The following DDX5 variants were observed in gnomAD, a reference collection of about 807,000 sequenced individuals.
DDX5 encodes DEAD-box helicase 5.
Under a neutral mutation model 68.6 loss-of-function variants are expected in DDX5, and 6 were observed. The ratio of observed to expected loss-of-function variants is 0.09; its 90% CI spans 0.05 to 0.17. The LOEUF (loss-of-function observed/expected upper bound fraction) is 0.17. Ranked by LOEUF, DDX5 falls within the 10% of genes least tolerant of loss-of-function variation. The probability of loss-of-function intolerance (pLI) is 1.00; values close to 1 mark genes in which losing one functional copy is unlikely to be tolerated. For synonymous variants in DDX5, 350 were observed against 247.0 expected (o/e 1.42, Z -3.91); for missense variants, 499 against 756.1 (o/e 0.66, Z 3.99).
In DDX5 at chr17:64,499,810, G is replaced by C; in HGVS notation, c.*113C>G. On this transcript the variant is annotated 3_prime_UTR_variant, in exon 13 of 13. Coordinates refer to ENST00000225792, the MANE Select transcript of DDX5 (RefSeq NM_004396.5). The stretch of plus-strand genomic sequence containing the variant: ...GAAAAAGTGCACCATAATTACTGCT[G>C]CACTGCAGTCATTTCTGCAATTCCC... 1 of 981,290 alleles carries C rather than the reference G, an allele frequency of 1.0e-6. No homozygotes were observed. Among genetic ancestry groups the C allele is most frequent in the African/African-American group, 1.6e-5 (1 of 61,402 alleles). 60.8% of individuals were successfully genotyped at this position (981,290 alleles called of 1,614,324 possible).
intron 11 of DDX5, chr17:64,501,002 G>GT: frequency 1.8e-6 from 1 of 566,960 alleles, no homozygotes. Flanking sequence ...GACAGACCCT[G>GT]TCAAAAGGAA....
chr17:64,505,974 G>A (rs1207649051), intron 1 of DDX5, 102 bp downstream of exon 1: 6 of 1,540,722 alleles, frequency 3.9e-6, no homozygotes, highest in African/African-American at 2.7e-5. Flanking sequence ...AGATAGCCCG[G>A]AAAGGCCAAG....
At position 64,502,986 on chromosome 17, in the gene DDX5, C is replaced by T; in HGVS notation, c.923G>A (p.Ser308Asn). Reference sequence around the variant, plus strand: ...AATCTGAAGAATGTTGTGGTTTGCACTCAGTTCAAGTGCACCAATGTTTAT... The same window carrying T: ...AATCTGAAGAATGTTGTGGTTTGCATTCAGTTCAAGTGCACCAATGTTTAT... ...IHINIGALEL[S>N]ANHNILQIVD... Residue 308 changes from serine to asparagine, a missense_variant, in exon 8 of 13, where the codon AGT becomes AAT. By Grantham distance (46) the Ser-to-Asn change is conservative (BLOSUM62 1). This residue lies in a region of DDX5 where 141 missense variants were observed against 279.8 expected (regional missense o/e 0.50). Transcript: ENST00000225792. 1 of 1,613,608 alleles carries T rather than the reference C, an allele frequency of 6.2e-7. No homozygotes were observed. Among genetic ancestry groups the T allele is most frequent in the Non-Finnish European group, 8.5e-7 (1 of 1,179,754 alleles).
At chr17:64,506,321 T>A (rs1598160188), upstream of DDX5, 1 of 1,488,378 alleles carries the variant, frequency 6.7e-7, no homozygotes, top group South Asian at 1.3e-5. Flanking sequence ...GCTTTTATAG[T>A]CTGGACCGCC....
At chr17:64,506,699 G>C (rs997147851), upstream of DDX5, 3 of 402,638 alleles carry the variant, frequency 7.5e-6, no homozygotes, top group African/African-American at 4.1e-5. Flanking sequence ...CGAGAGAGCG[G>C]TCCGCACTAC....
At position 64,498,792 on chromosome 17, in the gene DDX5, G is replaced by A. The variant is rs1396308965; in HGVS notation, c.*1131C>T. ...GATTAGAAAGTTACGTTGGTGAGCC[G>A]AAGTTAAACCTAAAGCTATCCCCTG... On this transcript the variant is annotated 3_prime_UTR_variant, in exon 13 of 13. Transcript: ENST00000225792. Among the ~76,000 whole-genome samples, 8 of 152,140 alleles carry A rather than the reference G, an allele frequency of 5.3e-5. No individual in the cohort carries two copies. The highest frequency in any genetic ancestry group is 9.7e-5 in the African/African-American group (4 of 41,442).
At chr17:64,505,436 T>G (rs889845837) in intron 1 of DDX5, 1 of 548,398 alleles carries the variant, frequency 1.8e-6, no homozygotes, top group African/African-American at 1.9e-5. Flanking sequence ...AGCCGGCGAC[T>G]ACCGGGGGAG....
At chr17:64,501,654 C>T (rs782759529) in intron 11 of DDX5, 7 of 273,200 alleles carry the variant, frequency 2.6e-5, no homozygotes, top group African/African-American at 4.4e-5. Flanking sequence ...GGCAGTCATG[C>T]AAAGCATGGG....
At chr17:64,504,604 C>T (rs1555671762) in intron 2 of DDX5, 73 bp downstream of exon 2, 3 of 1,497,452 alleles carry the variant, frequency 2.0e-6, no homozygotes, top group African/African-American at 1.4e-5. Context: ...ATTTGCAAAA[C>T]ACCTGTCAGA....
At chr17:64,506,553 C>T (rs559025246), upstream of DDX5, 80 of 497,772 alleles carry the variant, frequency 1.6e-4, 1 homozygote, top group South Asian at 2.0e-3. Context: ...AGCCACCCCG[C>T]CCTTTCCCAA....
At chr17:64,506,630 C>T (rs1056672613), upstream of DDX5, 1 of 373,560 alleles carries the variant, frequency 2.7e-6, no homozygotes, top group African/African-American at 2.1e-5. Flanking sequence ...ACGTCTGTAA[C>T]CAAAAGAGGG....
Position 64,504,793 on chromosome 17 carries a change from T to G in DDX5, c.94A>C (p.Lys32Gln), listed in dbSNP as rs1385150354. The G allele has an allele frequency of 1.9e-6, 3 of 1,614,118 alleles. No homozygotes were observed. The highest frequency in any genetic ancestry group is 2.7e-5 in the African/African-American group (2 of 75,048). Residue 32 changes from lysine (K) to glutamine (Q), a missense_variant, in exon 2 of 13, where the codon AAG becomes CAG. Lys to Gln is a moderately conservative substitution (Grantham distance 53). Coordinates refer to ENST00000225792, the MANE Select transcript of DDX5 (RefSeq NM_004396.5). The stretch of plus-strand genomic sequence containing the variant: ...TTCTCCCCAGGGTTTCCAAACTTCT[T>G]TCCAGATAAGGGCCCTGCCCTACTT... ...GGSRAGPLSG[K>Q]KFGNPGEKLV...
At chr17:64,505,911 T>C in intron 1 of DDX5, 165 bp downstream of exon 1, 1 of 1,534,942 alleles carries the variant, frequency 6.5e-7, no homozygotes. Flanking sequence ...TCTCTTCCAA[T>C]CACTGTGACG....
Position 64,506,224 on chromosome 17 carries a change from G to T in DDX5, c.-105C>A, listed in dbSNP as rs377373286. ...GGCGAAGCCTTGCGGGGGCGGCAGC[G>T]GAGGAAGGACACCGATGACACCAGC... On this transcript the variant is annotated 5_prime_UTR_variant, in exon 1 of 13. Transcript: ENST00000225792. 3 of 1,556,204 alleles carry T rather than the reference G, an allele frequency of 1.9e-6. No individual in the cohort carries two copies. In the African/African-American group the frequency reaches 4.1e-5, roughly 21 times the overall value.
chr17:64,500,235 C>T lies in DDX5; in HGVS notation c.1533G>A (p.Arg511=). ...KRGGFNTFRD[R]ENYDRGYSSL... is the part of the protein sequence containing the mutation. ...TAGAGTAACCTCTGTCATAATTTTCCCTGTCTCTAAAGGTATTAAATCCAC... is the reference window on the plus strand; with the variant it reads ...TAGAGTAACCTCTGTCATAATTTTCTCTGTCTCTAAAGGTATTAAATCCAC... The change falls in exon 13 of 13, where the codon AGG becomes AGA. Residue 511 remains arginine (R), a synonymous_variant. Transcript: ENST00000225792. 1 of 1,614,112 alleles carries T rather than the reference C, an allele frequency of 6.2e-7. No homozygotes were observed. Among genetic ancestry groups the T allele is most frequent in the South Asian group, 1.1e-5 (1 of 91,082 alleles).
rs186681358 is a variant in DDX5, at chr17:64,504,652, G to A, written c.210+25C>T. The A allele has an allele frequency of 5.0e-6, 8 of 1,587,864 alleles. No individual in the cohort carries two copies. In the African/African-American group the frequency reaches 9.6e-5, roughly 19 times the overall value. On this transcript the variant is annotated intron_variant, in intron 2 of 12. Coordinates refer to ENST00000225792, the MANE Select transcript of DDX5 (RefSeq NM_004396.5). ...AGAATCCACGATCGAGTTACAGCCT[G>A]ATGAAGCCACATGAATTTACTCACT...
upstream of DDX5, chr17:64,506,715 C>A (rs540448388): frequency 1.2e-5 from 5 of 413,422 alleles, no homozygotes; most frequent in South Asian, 7.9e-5. Flanking sequence ...ACTACTTTCC[C>A]GTTGACGTCG....
chr17:64,505,978 G>C, intron 1 of DDX5, 98 bp downstream of exon 1: 1 of 1,541,762 alleles, frequency 6.5e-7, no homozygotes, highest in Non-Finnish European at 8.7e-7. Context: ...AGCCCGGAAA[G>C]GCCAAGTCCA....
In DDX5 at chr17:64,506,157, T is replaced by C. The variant is rs782214952; in HGVS notation, c.-38A>G. Reference sequence around the variant, plus strand: ...TGCGGTTGGCGGGGAACGAAGTATATAGAAAAGCGTGCGACAAGTCGCTGG... The same window carrying C: ...TGCGGTTGGCGGGGAACGAAGTATACAGAAAAGCGTGCGACAAGTCGCTGG... On this transcript the variant is annotated 5_prime_UTR_variant, in exon 1 of 13. Transcript: ENST00000225792. 8.1e-6 allele frequency: 13 copies of C among 1,603,856 alleles called. No individual in the cohort carries two copies. The highest frequency in any genetic ancestry group is 7.9e-5 in the South Asian group (7 of 88,894).
Sources: gnomAD v4.1 joint callset for allele counts (sites outside exome capture counted in the v4.1 genomes callset) on GRCh38, gnomAD v4.1.1 for gene constraint, gnomAD v4.1.1 regional missense constraint, MANE v1.5 for transcripts, NCBI Gene and HGNC (gene_info 2026-07-23, HGNC 2026-07-21) for gene names.